The following FMN2 variants were observed in gnomAD, a reference collection of about 807,000 sequenced individuals.
The protein encoded by FMN2 is formin-2.
A neutral mutation model predicts 142.3 loss-of-function variants in FMN2; 51 were observed. The ratio of observed to expected loss-of-function variants is 0.36; its 90% CI spans 0.29 to 0.45. The LOEUF (loss-of-function observed/expected upper bound fraction) is 0.45, where lower values mean the gene tolerates loss of function less well. Ranked by LOEUF, FMN2 falls within the 20% of genes least tolerant of loss-of-function variation. The probability of loss-of-function intolerance (pLI) is 1.00; values close to 1 mark genes in which losing one functional copy is unlikely to be tolerated. For missense variants in FMN2, 1,936 were observed against 2,122.8 expected (o/e 0.91, Z 1.73); for synonymous variants, 882 against 869.8 (o/e 1.01, Z -0.25).
chr1:240,118,028 G>A (rs1008509125), intron 1 of FMN2, among the ~76,000 whole-genome samples: 1 of 152,196 alleles, frequency 6.6e-6, no homozygotes, highest in Non-Finnish European at 1.5e-5. Context: ...GAGTGAGGGA[G>A]TCATTGATGT....
intron 15 of FMN2, among the ~76,000 whole-genome samples, chr1:240,433,072 T>G (rs1445795102): frequency 2.0e-5 from 3 of 152,188 alleles, no homozygotes; most frequent in African/African-American, 7.2e-5. Context: ...AATATCCAAT[T>G]CGATGATGAT....
chr1:240,196,597 C>T (rs1042023200), intron 4 of FMN2, among the ~76,000 whole-genome samples: 19 of 152,128 alleles, frequency 1.2e-4, no homozygotes, highest in Admixed American at 5.9e-4. Context: ...CTGCAACCTC[C>T]GCCTCCCAGG....
chr1:240,337,203 CTTTTTTTT>C (rs752506621), intron 13 of FMN2, among the ~76,000 whole-genome samples: 6 of 90,574 alleles, frequency 6.6e-5, no homozygotes, highest in Admixed American at 1.3e-4. Flanking sequence ...TATTCCTTTT[CTTTTTTTT>C]TTTTTTTTTT....
Position 240,221,680 on chromosome 1 carries a change from C to T in FMN2, c.4065+10445C>T, listed in dbSNP as rs192240226. Among the ~76,000 whole-genome samples the T allele has an allele frequency of 3.8e-3, 572 of 151,948 alleles. 5 individuals carry two copies. Among genetic ancestry groups the T allele is most frequent in the African/African-American group, 0.013 (526 of 41,452 alleles). ...TTGCAAAAATTTTCTCCCATTCTGTCGGTTGCCTGTTCACTCTGATGATAG... is the reference window on the plus strand; with the variant it reads ...TTGCAAAAATTTTCTCCCATTCTGTTGGTTGCCTGTTCACTCTGATGATAG... On this transcript the variant is annotated intron_variant, in intron 6 of 17. Coordinates refer to ENST00000319653, the MANE Select transcript of FMN2 (RefSeq NM_020066.5).
At chr1:240,331,199 A>G (rs1671369684) in intron 11 of FMN2, among the ~76,000 whole-genome samples, 1 of 152,126 alleles carries the variant, frequency 6.6e-6, no homozygotes, top group African/African-American at 2.4e-5. Flanking sequence ...GATGAGTAAA[A>G]TGGCTTGTAA....
intron 14 of FMN2, among the ~76,000 whole-genome samples, chr1:240,360,368 C>T (rs1405885182): frequency 1.3e-5 from 2 of 152,184 alleles, no homozygotes; most frequent in East Asian, 3.9e-4. Context: ...GTGCATCTTT[C>T]ACTGCAAGAG....
At chr1:240,250,203 T>G (rs1668232641) in intron 6 of FMN2, among the ~76,000 whole-genome samples, 1 of 152,158 alleles carries the variant, frequency 6.6e-6, no homozygotes, top group East Asian at 1.9e-4. Context: ...CTTTTCCCCA[T>G]TCAGTATGAT....
Position 240,093,569 on chromosome 1 carries a change from A to C in FMN2, c.1460A>C (p.Glu487Ala). The change falls in exon 1 of 18, where the codon GAG becomes GCG. Residue 487 changes from glutamate (E) to alanine (A), a missense_variant. Glu to Ala is a moderately radical substitution (Grantham distance 107, BLOSUM62 -1). This residue lies in a region of FMN2 where 751 missense variants were observed against 791.8 expected (regional missense o/e 0.95). Coordinates refer to ENST00000319653, the MANE Select transcript of FMN2 (RefSeq NM_020066.5). ...AGLSRSADWT[E>A]ELGARTPRVG... ...CTGAGCCGCTCGGCTGACTGGACGG[A>C]GGAGCTAGGCGCCCGCACGCCCCGG... 1 of 1,475,746 alleles carries C rather than the reference A, an allele frequency of 6.8e-7. No individual in the cohort carries two copies. Among genetic ancestry groups the C allele is most frequent in the Non-Finnish European group, 8.9e-7 (1 of 1,123,484 alleles). 91.4% of individuals were successfully genotyped at this position (1,475,746 alleles called of 1,614,324 possible). A position where few individuals can be genotyped will look rare whatever the true frequency, so the allele number is the denominator to read the frequency against.
rs71168900 is a variant in FMN2 at position 240,122,075 on chromosome 1, A to AATTTATTT, written c.1616-1093_1616-1086dup. ...CTTTTGGATCCAAAATTAATTAATT[A>AATTTATTT]ATTTATTTATTTATTTATGAATTAT... On this transcript the variant is annotated intron_variant, in intron 1 of 17. Coordinates refer to ENST00000319653, the MANE Select transcript of FMN2 (RefSeq NM_020066.5). Among the ~76,000 whole-genome samples, 51 of 146,688 alleles carry AATTTATTT rather than the reference A, an allele frequency of 3.5e-4. 1 individual carries two copies. Among genetic ancestry groups the AATTTATTT allele is most frequent in the African/African-American group, 1.2e-3 (49 of 40,306 alleles).
At chr1:240,337,203 C>CTTTTCTTTTTT (rs1305027690) in intron 13 of FMN2, among the ~76,000 whole-genome samples, 1 of 90,578 alleles carries the variant, frequency 1.1e-5, no homozygotes, top group African/African-American at 3.8e-5. Flanking sequence ...TATTCCTTTT[C>CTTTTCTTTTTT]TTTTTTTTTT....
At chr1:240,396,329 TG>T (rs1558470112) in intron 15 of FMN2, among the ~76,000 whole-genome samples, 3 of 151,730 alleles carry the variant, frequency 2.0e-5, no homozygotes, top group African/African-American at 7.3e-5. Flanking sequence ...TGTGTGTGTG[TG>T]TGTGTGTGTG....
intron 1 of FMN2, among the ~76,000 whole-genome samples, chr1:240,097,422 T>C (rs1661241549): frequency 6.6e-6 from 1 of 151,012 alleles, no homozygotes; most frequent in Non-Finnish European, 1.5e-5. Flanking sequence ...GTGGCACGAC[T>C]TCTGCTCACT....
At chr1:240,181,098 G>A (rs1287459056) in intron 3 of FMN2, among the ~76,000 whole-genome samples, 5 of 151,916 alleles carry the variant, frequency 3.3e-5, no homozygotes, top group South Asian at 2.1e-4. Context: ...ACCGTCTCCC[G>A]GGTTCAAGTG....
At chr1:240,384,707 G>A (rs1673356466) in intron 14 of FMN2, among the ~76,000 whole-genome samples, 1 of 152,088 alleles carries the variant, frequency 6.6e-6, no homozygotes, top group Non-Finnish European at 1.5e-5. Flanking sequence ...CAGTGTTAAG[G>A]CTTTGGAGTC....
intron 8 of FMN2, among the ~76,000 whole-genome samples, chr1:240,298,252 C>CCTCTGCAGTACAGGAACTTG (rs1670062274): frequency 6.6e-6 from 1 of 151,890 alleles, no homozygotes; most frequent in Non-Finnish European, 1.5e-5. Context: ...CCAGGTTAGC[C>CCTCTGCAGTACAGGAACTTG]CTCTGCAGTA....
intron 15 of FMN2, among the ~76,000 whole-genome samples, chr1:240,436,585 G>T (rs1271524106): frequency 6.6e-6 from 1 of 151,572 alleles, no homozygotes; most frequent in Non-Finnish European, 1.5e-5. Flanking sequence ...GCTGAGGCAG[G>T]AGAATCGCTT....
At chr1:240,133,723 GGATGCTATTCA>G (rs1178065275) in intron 2 of FMN2, among the ~76,000 whole-genome samples, 1 of 152,150 alleles carries the variant, frequency 6.6e-6, no homozygotes, top group African/African-American at 2.4e-5. Flanking sequence ...CTTTCTCATA[GGATGCTATTCA>G]GAGTTAGATG....
chr1:240,240,836 T>C (rs950048536), intron 6 of FMN2, among the ~76,000 whole-genome samples: 1 of 152,216 alleles, frequency 6.6e-6, no homozygotes, highest in Admixed American at 6.5e-5. Context: ...TTTTCTCCTT[T>C]CCAAGATATT....
intron 2 of FMN2, among the ~76,000 whole-genome samples, chr1:240,142,421 A>G (rs750885795): frequency 6.6e-6 from 1 of 152,136 alleles, no homozygotes; most frequent in Non-Finnish European, 1.5e-5. Flanking sequence ...GATGGACAAG[A>G]AGACTTCTGA....
Sources: gnomAD v4.1 joint callset for allele counts (sites outside exome capture counted in the v4.1 genomes callset) on GRCh38, gnomAD v4.1.1 for gene constraint, gnomAD v4.1.1 regional missense constraint, MANE v1.5 for transcripts, NCBI Gene and HGNC (gene_info 2026-07-23, HGNC 2026-07-21) for gene names.